The following KCNB2 variants were observed in gnomAD, a reference collection of about 807,000 sequenced individuals.
KCNB2 encodes delayed rectifier potassium channel protein.
Under a neutral mutation model 61.5 loss-of-function variants are expected in KCNB2, and 15 were observed. The observed-to-expected ratio is 0.24, with a 90% CI of 0.16 to 0.38. The LOEUF (loss-of-function observed/expected upper bound fraction) is 0.38, where lower values mean the gene tolerates loss of function less well. Ranked by LOEUF, KCNB2 falls within the 10% of genes least tolerant of loss-of-function variation. The probability of loss-of-function intolerance (pLI) is 1.00; values close to 1 mark genes in which losing one functional copy is unlikely to be tolerated. For missense variants in KCNB2, 828 were observed against 1,125.2 expected (o/e 0.74, Z 3.78); for synonymous variants, 457 against 446.0 (o/e 1.02, Z -0.31).
intron 2 of KCNB2, among the ~76,000 whole-genome samples, chr8:72,859,104 G>A (rs1357475250): frequency 2.0e-5 from 3 of 152,152 alleles, no homozygotes; most frequent in Non-Finnish European, 2.9e-5. Context: ...ATCAGTCTCA[G>A]AGAGAGTAGT....
chr8:72,773,838 A>G (rs1207186210), intron 2 of KCNB2, among the ~76,000 whole-genome samples: 1 of 152,154 alleles, frequency 6.6e-6, no homozygotes, highest in Non-Finnish European at 1.5e-5. Flanking sequence ...GTATGCAACT[A>G]CAAGTTGCTC....
intron 2 of KCNB2, among the ~76,000 whole-genome samples, chr8:72,932,864 G>A (rs866331843): frequency 1.3e-5 from 2 of 152,156 alleles, no homozygotes; most frequent in South Asian, 4.1e-4. Flanking sequence ...TCTACAATAA[G>A]ACAATAAACT....
At chr8:72,888,187 C>T (rs902952593) in intron 2 of KCNB2, among the ~76,000 whole-genome samples, 7 of 152,162 alleles carry the variant, frequency 4.6e-5, no homozygotes, top group Non-Finnish European at 7.3e-5. Flanking sequence ...ACTGAAGCCT[C>T]GACCTCCTGG....
intron 2 of KCNB2, among the ~76,000 whole-genome samples, chr8:72,616,935 G>A (rs538642697): frequency 6.6e-6 from 1 of 152,260 alleles, no homozygotes; most frequent in Non-Finnish European, 1.5e-5. Context: ...TGGATCTCAC[G>A]GCTCTTACAC....
In KCNB2 at chr8:72,765,376, C is replaced by A. The variant is rs1808444895; in HGVS notation, c.580-170559C>A. The stretch of plus-strand genomic sequence containing the variant: ...TATCTTTTCTGGCAAACCTTATTAA[C>A]CCAAATTTAATGGCAATTCTCTGCT... On this transcript the variant is annotated intron_variant, in intron 2 of 2. Coordinates refer to ENST00000523207, the MANE Select transcript of KCNB2 (RefSeq NM_004770.3). Among the ~76,000 whole-genome samples, 3 of 152,292 alleles carry A rather than the reference C, an allele frequency of 2.0e-5. No homozygotes were observed. In the South Asian group the frequency reaches 6.2e-4, roughly 32 times the overall value.
intron 2 of KCNB2, among the ~76,000 whole-genome samples, chr8:72,691,495 T>C (rs1409247976): frequency 6.6e-6 from 1 of 152,238 alleles, no homozygotes; most frequent in Non-Finnish European, 1.5e-5. Flanking sequence ...TAGTTTTTTT[T>C]CACGCATAAT....
rs529615230 is a variant in KCNB2, at chr8:72,710,896, G to A, written c.579+142583G>A. Among the ~76,000 whole-genome samples the A allele has an allele frequency of 2.6e-5, 4 of 152,358 alleles. No individual in the cohort carries two copies. The South Asian group carries it at 8.3e-4, about 32-fold the overall frequency. On this transcript the variant is annotated intron_variant, in intron 2 of 2. Coordinates refer to ENST00000523207, the MANE Select transcript of KCNB2 (RefSeq NM_004770.3). ...CAAGGCTATTTAAGTGGATGGAGAAGTCAGAGTGCTATTTCCTCTTTATTC... is the reference window on the plus strand; with the variant it reads ...CAAGGCTATTTAAGTGGATGGAGAAATCAGAGTGCTATTTCCTCTTTATTC...
At chr8:72,784,798 C>T (rs1030780714) in intron 2 of KCNB2, among the ~76,000 whole-genome samples, 2 of 152,138 alleles carry the variant, frequency 1.3e-5, no homozygotes, top group Admixed American at 1.3e-4. Flanking sequence ...TCACTGGGCT[C>T]TTCCAGGAGA....
intron 2 of KCNB2, among the ~76,000 whole-genome samples, chr8:72,834,668 G>C (rs1809752180): frequency 2.0e-5 from 3 of 152,130 alleles, no homozygotes. Context: ...GAGTAGGGGA[G>C]TGATCTTGGT....
At chr8:72,592,087 G>A (rs940853130) in intron 2 of KCNB2, among the ~76,000 whole-genome samples, 7 of 152,026 alleles carry the variant, frequency 4.6e-5, no homozygotes, top group Admixed American at 1.3e-4. Flanking sequence ...GATATATTTA[G>A]GCTCTTGTGA....
intron 2 of KCNB2, among the ~76,000 whole-genome samples, chr8:72,792,361 T>A (rs1015083634): frequency 6.6e-6 from 1 of 152,242 alleles, no homozygotes; most frequent in Non-Finnish European, 1.5e-5. Context: ...ATAGCATTTG[T>A]GACTTTGTAA....
At chr8:72,931,771 A>G (rs1467127834) in intron 2 of KCNB2, among the ~76,000 whole-genome samples, 1 of 152,124 alleles carries the variant, frequency 6.6e-6, no homozygotes, top group Non-Finnish European at 1.5e-5. Context: ...CACCACTTTG[A>G]GAGGCCAAGG....
chr8:72,935,796 G>A (rs1160247274), intron 2 of KCNB2, 139 bp from the exon 3 acceptor site: 2 of 693,402 alleles, frequency 2.9e-6, no homozygotes, highest in Non-Finnish European at 2.6e-6. Flanking sequence ...GGAATTTTAA[G>A]TTGTAAAATT....
chr8:72,853,073 C>T (rs540523275), intron 2 of KCNB2, among the ~76,000 whole-genome samples: 1 of 152,282 alleles, frequency 6.6e-6, no homozygotes, highest in East Asian at 1.9e-4. Context: ...GGTTTGACTC[C>T]AAAGCATAGT....
intron 2 of KCNB2, among the ~76,000 whole-genome samples, chr8:72,690,553 A>T (rs1349199631): frequency 6.6e-6 from 1 of 152,230 alleles, no homozygotes; most frequent in Non-Finnish European, 1.5e-5. Context: ...TCTTGGTCCC[A>T]CTAGACTGGA....
chr8:72,663,279 G>A (rs906548348), intron 2 of KCNB2, among the ~76,000 whole-genome samples: 1 of 152,156 alleles, frequency 6.6e-6, no homozygotes, highest in Admixed American at 6.5e-5. Context: ...AAGTGAGGAA[G>A]TATTCCAAGT....
intron 2 of KCNB2, among the ~76,000 whole-genome samples, chr8:72,781,372 A>T (rs554470516): frequency 6.6e-6 from 1 of 152,142 alleles, no homozygotes; most frequent in African/African-American, 2.4e-5. Context: ...TCTTTAATTT[A>T]TCTTGAGTTT....
At chr8:72,680,427 C>T (rs1346837978) in intron 2 of KCNB2, among the ~76,000 whole-genome samples, 8 of 152,144 alleles carry the variant, frequency 5.3e-5, no homozygotes. Flanking sequence ...GTAAAAGCAA[C>T]AATGCAGCCA....
Position 72,930,175 on chromosome 8 carries a change from A to C in KCNB2, c.580-5760A>C, listed in dbSNP as rs563758951. Among the ~76,000 whole-genome samples the C allele has an allele frequency of 3.1e-3, 467 of 152,038 alleles. 1 individual carries two copies. Among genetic ancestry groups the C allele is most frequent in the Non-Finnish European group, 5.3e-3 (358 of 67,974 alleles). Reference sequence around the variant, plus strand: ...TAGTATTCCATGGTGTATATGTGCCACATTTTCTTAATCTAGTCTATCATT... The same window carrying C: ...TAGTATTCCATGGTGTATATGTGCCCCATTTTCTTAATCTAGTCTATCATT... On this transcript the variant is annotated intron_variant, in intron 2 of 2. Coordinates refer to ENST00000523207, the MANE Select transcript of KCNB2 (RefSeq NM_004770.3).
Sources: allele counts gnomAD v4.1 joint callset (sites outside exome capture counted in the v4.1 genomes callset), GRCh38; gene constraint gnomAD v4.1.1; transcripts MANE v1.5; gene names NCBI Gene and HGNC (gene_info 2026-07-23, HGNC 2026-07-21).